LAMA1: variants seen among roughly 807,000 people sequenced by gnomAD.
The protein encoded by LAMA1 is laminin subunit alpha 1.
Under a neutral mutation model 348.7 loss-of-function variants are expected in LAMA1, and 219 were observed. The observed-to-expected ratio is 0.63, with a 90% CI of 0.56 to 0.70. The LOEUF is 0.70. Among genes scored for constraint, LAMA1 ranks in the 30% least tolerant of loss-of-function variants. The pLI is 0.00. For missense variants in LAMA1, 3,744 were observed against 3,888.0 expected (o/e 0.96, Z 0.99); for synonymous variants, 1,487 against 1,491.0 (o/e 1.00, Z 0.06).
chr18:6,941,935 A>T lies in LAMA1; in HGVS notation c.*144T>A. 1 of 947,314 alleles carries T rather than the reference A, an allele frequency of 1.1e-6. No individual in the cohort carries two copies. The highest frequency in any genetic ancestry group is 1.3e-5 in the South Asian group (1 of 75,178). The allele number at this position is 947,314 out of a possible 1,614,324, so 58.7% of individuals were successfully genotyped here. A position where few individuals can be genotyped will look rare whatever the true frequency, so the allele number is the denominator to read the frequency against. Reference sequence around the variant, plus strand: ...AGGTATTTGTTGCACATGTGGTTTTAGTGTAACGTAAACACAACATCTCTC... The same window carrying T: ...AGGTATTTGTTGCACATGTGGTTTTTGTGTAACGTAAACACAACATCTCTC... On this transcript the variant is annotated 3_prime_UTR_variant, in exon 63 of 63. Coordinates refer to ENST00000389658, the MANE Select transcript of LAMA1 (RefSeq NM_005559.4).
At chr18:7,095,345 T>G (rs757816538) in intron 1 of LAMA1, among the ~76,000 whole-genome samples, 1 of 152,220 alleles carries the variant, frequency 6.6e-6, no homozygotes, top group South Asian at 2.1e-4. Context: ...ATGCGAGCCT[T>G]GTTTAATGTA....
chr18:7,049,208 G>C lies in LAMA1; in HGVS notation c.638C>G (p.Pro213Arg). 6.2e-7 allele frequency: 1 copy of C among 1,614,014 alleles called. No individual in the cohort carries two copies. The highest frequency in any genetic ancestry group is 8.5e-7 in the Non-Finnish European group (1 of 1,179,994). ...NGRPSADDLS[P>R]KLLEFTSARY... ...TGCAGAAGTGAATTCCAACAACTTG[G>C]GTGAAAGATCGTCAGCGCTTGGTCT... Residue 213 changes from proline to arginine, a missense_variant, in exon 5 of 63, where the codon CCC (proline) becomes CGC (arginine). Coordinates refer to ENST00000389658, the MANE Select transcript of LAMA1 (RefSeq NM_005559.4).
rs1472738373 is a variant in LAMA1, at chr18:6,965,441, A to T, written c.7051-9T>A. 12 of 1,614,046 alleles carry T rather than the reference A, an allele frequency of 7.4e-6. No homozygotes were observed. Among genetic ancestry groups the T allele is most frequent in the Non-Finnish European group, 9.3e-6 (11 of 1,180,016 alleles). On this transcript the variant is annotated splice_polypyrimidine_tract_variant and intron_variant, in intron 49 of 62. Transcript: ENST00000389658. ...ATGGATAAAAAGTCTTTCTGTAAAA[A>T]AGAGAACACAGTTCCCCAGGTTATA...
rs983237426 is a variant in LAMA1, at chr18:7,032,972, G to A, written c.2163+12C>T. On this transcript the variant is annotated intron_variant, in intron 15 of 62. Transcript: ENST00000389658. ...GAACGAAAGGAAAAAGACAGGAAGA[G>A]AGAAGCGTCACCTCACAGGAGGTCC... 3.2e-6 allele frequency: 5 copies of A among 1,582,474 alleles called. No homozygotes were observed. The South Asian group carries it at 3.4e-5, about 11-fold the overall frequency.
chr18:7,011,183 G>T, intron 25 of LAMA1, 117 bp downstream of exon 25: 1 of 1,152,892 alleles, frequency 8.7e-7, no homozygotes. Context: ...CCACTTAAAA[G>T]AGGAAATTAA....
At chr18:7,087,078 C>G (rs925864912) in intron 1 of LAMA1, among the ~76,000 whole-genome samples, 1 of 152,028 alleles carries the variant, frequency 6.6e-6, no homozygotes, top group Admixed American at 6.5e-5. Context: ...CTTCTTTGTG[C>G]GTCGGACTGA....
At position 7,007,236 on chromosome 18, in the gene LAMA1, C is replaced by G. The variant is rs774814277; in HGVS notation, c.4163G>C (p.Gly1388Ala). The change falls in exon 29 of 63, where the codon GGG becomes GCG. Residue 1388 changes from glycine (G) to alanine (A), a missense_variant. Gly to Ala is a moderately conservative substitution (Grantham distance 60). This residue lies in a region of LAMA1 where 1,983 missense variants were observed against 1,934.3 expected (regional missense o/e 1.03). Coordinates refer to ENST00000389658, the MANE Select transcript of LAMA1 (RefSeq NM_005559.4). ...PGYHRGKLPA[G>A]SDRGPRPLVA... is the part of the protein sequence containing the mutation. ...CAGAGGGCGTGGTCCCCTGTCACTC[C>G]CTGCTGGGAGCTTCCCTCTGTGGTA... 2.9e-5 allele frequency: 47 copies of G among 1,613,978 alleles called. No homozygotes were observed. The East Asian group carries it at 7.4e-4, about 25-fold the overall frequency.
Position 7,033,032 on chromosome 18 carries a change from A to C in LAMA1, c.2115T>G (p.Asp705Glu), listed in dbSNP as rs765371882. Residue 705 changes from aspartate (D) to glutamate (E), a missense_variant, in exon 15 of 63, where the codon GAT becomes GAG. By Grantham distance (45) the Asp-to-Glu change is conservative. This residue lies in a region of LAMA1 where 1,529 missense variants were observed against 1,689.4 expected (regional missense o/e 0.91). Coordinates refer to ENST00000389658, the MANE Select transcript of LAMA1 (RefSeq NM_005559.4). ...SNAIDLVVAA[D>E]VEHCECPQGY... is the part of the protein sequence containing the mutation. ...CTTGCGGACATTCACAGTGCTCCAC[A>C]TCAGCGGCCACCACCAGGTCGATGG... The C allele has an allele frequency of 6.2e-7, 1 of 1,612,616 alleles. No homozygotes were observed. The highest frequency in any genetic ancestry group is 8.5e-7 in the Non-Finnish European group (1 of 1,179,390).
At chr18:7,031,890 CA>C (rs374131975) in intron 16 of LAMA1, among the ~76,000 whole-genome samples, 175 bp downstream of exon 16, 20 of 138,376 alleles carry the variant, frequency 1.4e-4, no homozygotes, top group Admixed American at 2.9e-4. Context: ...AAAAAAAAAA[CA>C]AAAAAAAAAA....
rs1337050166 is a variant in LAMA1, at chr18:7,011,184, A to C, written c.3687+116T>G. 5 of 1,155,522 alleles carry C rather than the reference A, an allele frequency of 4.3e-6. No individual in the cohort carries two copies. In the African/African-American group the frequency reaches 7.7e-5, roughly 18 times the overall value. The allele number at this position is 1,155,522 out of a possible 1,614,324, so 71.6% of individuals were successfully genotyped here. ...AAACTTCTCTGATCCCACTTAAAAG[A>C]GGAAATTAATAACTACTTCTTTAAA... On this transcript the variant is annotated intron_variant, in intron 25 of 62. Coordinates refer to ENST00000389658, the MANE Select transcript of LAMA1 (RefSeq NM_005559.4).
intron 1 of LAMA1, among the ~76,000 whole-genome samples, chr18:7,108,471 G>A (rs764086278): frequency 8.6e-5 from 13 of 151,618 alleles, no homozygotes; most frequent in Admixed American, 2.0e-4. Flanking sequence ...GACCAGCCCC[G>A]CCAACATGGT....
chr18:6,948,633 A>T (rs1600339893), intron 59 of LAMA1, 77 bp from the exon 60 acceptor site: 2 of 634,730 alleles, frequency 3.2e-6, no homozygotes, highest in Non-Finnish European at 4.9e-6. Flanking sequence ...CTTCCACTTC[A>T]TCAGACTGGT....
intron 1 of LAMA1, among the ~76,000 whole-genome samples, chr18:7,092,830 A>G (rs529319621): frequency 1.3e-5 from 2 of 152,186 alleles, no homozygotes; most frequent in South Asian, 4.1e-4. Context: ...ACATCATAAT[A>G]CAGACTCGTG....
intron 39 of LAMA1, 66 bp from the exon 40 acceptor site, chr18:6,983,300 A>C: frequency 6.5e-7 from 1 of 1,542,208 alleles, no homozygotes; most frequent in Non-Finnish European, 8.9e-7. Flanking sequence ...TCACTCACAA[A>C]AATCATAAAT....
rs143424220 is a variant in LAMA1 at position 6,974,826 on chromosome 18, T to A, written c.6623+77A>T. On this transcript the variant is annotated intron_variant, in intron 46 of 62. Transcript: ENST00000389658. ...TCCAGAAGTTTCAAAGCCTATTATA[T>A]GATGTTACAAGCATGTAATTACTTA... The A allele has an allele frequency of 1.2e-3, 1,842 of 1,552,900 alleles. 17 individuals carry two copies. In the African/African-American group the frequency reaches 0.022, roughly 19 times the overall value.
Position 7,098,529 on chromosome 18 carries a change from T to C in LAMA1, c.62-18072A>G, listed in dbSNP as rs1350847934. Among the ~76,000 whole-genome samples, 4 of 150,924 alleles carry C rather than the reference T, an allele frequency of 2.7e-5. No homozygotes were observed. In the South Asian group the frequency reaches 6.3e-4, roughly 24 times the overall value. On this transcript the variant is annotated intron_variant, in intron 1 of 62. Coordinates refer to ENST00000389658, the MANE Select transcript of LAMA1 (RefSeq NM_005559.4). ...CCGTCTGGGATGTGAGGAGCACCTC[T>C]GCCCGGCTGCGACCCCGTCTGGGAG...
In LAMA1 at chr18:7,009,262, A is replaced by G. The variant is rs2057847713; in HGVS notation, c.3978T>C (p.Tyr1326=). The G allele has an allele frequency of 2.1e-5, 34 of 1,614,044 alleles. No homozygotes were observed. The highest frequency in any genetic ancestry group is 2.9e-5 in the Non-Finnish European group (34 of 1,180,016). Residue 1326 remains tyrosine, a synonymous_variant, in exon 27 of 63, where the codon TAT becomes TAC. Coordinates refer to ENST00000389658, the MANE Select transcript of LAMA1 (RefSeq NM_005559.4). ...ACCTGCTCTGCTGTAATCCTTGACC[A>G]TACGATGCCTTGATGAGGATGTACT... The part of the protein sequence containing the change: ...DIEYILIKAS[Y]GQGLQQSRIS...
chr18:7,026,129 T>C, intron 16 of LAMA1, 23 bp from the exon 17 acceptor site: 1 of 1,608,450 alleles, frequency 6.2e-7, no homozygotes. Context: ...ACCAGAAGAA[T>C]CAGCTCAGGT....
At chr18:7,042,491 T>C (rs2058024862) in intron 8 of LAMA1, 1 of 463,826 alleles carries the variant, frequency 2.2e-6, no homozygotes, top group African/African-American at 2.0e-5. Flanking sequence ...CTATTATCCC[T>C]GCTCTCCAGC....
Sources: allele counts gnomAD v4.1 joint callset (sites outside exome capture counted in the v4.1 genomes callset), GRCh38; gene constraint gnomAD v4.1.1; regional missense constraint gnomAD v4.1.1; transcripts MANE v1.5; gene names NCBI Gene and HGNC (gene_info 2026-07-23, HGNC 2026-07-21).